Variants in CNTNAP2 observed in about 807,000 individuals in gnomAD.
CNTNAP2 encodes the protein contactin-associated protein-like 2.
In CNTNAP2, 98 loss-of-function variants were observed where a neutral mutation model predicts 155.2. The ratio of observed to expected loss-of-function variants is 0.63; its 90% CI spans 0.54 to 0.75. The LOEUF is 0.75. CNTNAP2 is among the 30% of genes least tolerant of loss of function. The pLI is 0.00. For synonymous variants in CNTNAP2, 651 were observed against 631.2 expected, an observed-to-expected ratio of 1.03 and a Z score of -0.47; for missense variants, 1,727 against 1,688.1, an observed-to-expected ratio of 1.02 and a Z score of -0.40.
intron 22 of CNTNAP2, among the ~76,000 whole-genome samples, chr7:148,399,809 G>A (rs954981329): frequency 6.6e-6 from 1 of 152,096 alleles, no homozygotes; most frequent in African/African-American, 2.4e-5. Flanking sequence ...TTCGGCCAAG[G>A]GAAAAAGGAC....
At chr7:147,250,201 T>C (rs965145085) in intron 8 of CNTNAP2, among the ~76,000 whole-genome samples, 1 of 152,090 alleles carries the variant, frequency 6.6e-6, no homozygotes, top group African/African-American at 2.4e-5. Flanking sequence ...AATCCAGATA[T>C]GTTAATAGAT....
intron 8 of CNTNAP2, among the ~76,000 whole-genome samples, chr7:147,154,293 G>A (rs1801881254): frequency 6.6e-6 from 1 of 152,088 alleles, no homozygotes; most frequent in Non-Finnish European, 1.5e-5. Context: ...GAGACGTTGG[G>A]CATAAAAGAA....
chr7:147,366,435 T>C (rs948832415), intron 9 of CNTNAP2, among the ~76,000 whole-genome samples: 1 of 152,002 alleles, frequency 6.6e-6, no homozygotes, highest in Non-Finnish European at 1.5e-5. Flanking sequence ...TCTCATAATT[T>C]CCTTTTCTCT....
At chr7:147,009,267 T>C (rs1798580599) in intron 3 of CNTNAP2, among the ~76,000 whole-genome samples, 1 of 152,132 alleles carries the variant, frequency 6.6e-6, no homozygotes, top group South Asian at 2.1e-4. Flanking sequence ...AGGTCAATGT[T>C]CTGATAATCA....
At chr7:146,214,302 A>T (rs1276340096) in intron 1 of CNTNAP2, among the ~76,000 whole-genome samples, 1 of 152,216 alleles carries the variant, frequency 6.6e-6, no homozygotes, top group Non-Finnish European at 1.5e-5. Context: ...TGTTGTCATT[A>T]TGAAAGTCAT....
chr7:147,690,916 T>C (rs1249474562), intron 13 of CNTNAP2, among the ~76,000 whole-genome samples: 2 of 152,066 alleles, frequency 1.3e-5, no homozygotes, highest in Non-Finnish European at 2.9e-5. Context: ...GCCTCAAAAT[T>C]TTGGTTAGTT....
intron 11 of CNTNAP2, among the ~76,000 whole-genome samples, chr7:147,512,760 G>A (rs983878948): frequency 4.6e-5 from 7 of 152,098 alleles, no homozygotes; most frequent in Non-Finnish European, 1.0e-4. Context: ...TTTTAGAATT[G>A]TATAGCAAGC....
At chr7:146,334,667 A>G (rs1374472465) in intron 1 of CNTNAP2, among the ~76,000 whole-genome samples, 1 of 152,134 alleles carries the variant, frequency 6.6e-6, no homozygotes, top group Admixed American at 6.5e-5. Flanking sequence ...TTCTCCTCCA[A>G]GAGATCTCAG....
chr7:147,807,605 G>A (rs1214785931), intron 13 of CNTNAP2, among the ~76,000 whole-genome samples: 2 of 152,072 alleles, frequency 1.3e-5, no homozygotes, highest in Non-Finnish European at 2.9e-5. Flanking sequence ...TGCCTAGTAC[G>A]TAACCTTAAA....
intron 10 of CNTNAP2, among the ~76,000 whole-genome samples, chr7:147,480,043 T>C (rs1413827686): frequency 6.6e-6 from 1 of 152,068 alleles, no homozygotes; most frequent in Non-Finnish European, 1.5e-5. Context: ...ATAAAAGTAC[T>C]CAAATATTGT....
intron 3 of CNTNAP2, among the ~76,000 whole-genome samples, chr7:146,883,179 C>T (rs573174495): frequency 9.2e-5 from 14 of 152,188 alleles, no homozygotes; most frequent in African/African-American, 1.9e-4. Flanking sequence ...CATGGATATG[C>T]ATTTGTACAT....
At chr7:146,440,798 T>C (rs1266762969) in intron 1 of CNTNAP2, among the ~76,000 whole-genome samples, 1 of 151,640 alleles carries the variant, frequency 6.6e-6, no homozygotes, top group Non-Finnish European at 1.5e-5. Context: ...AGATTCATAT[T>C]TCTGATTAAG....
At chr7:146,765,344 A>C (rs1338139876) in intron 1 of CNTNAP2, among the ~76,000 whole-genome samples, 1 of 152,198 alleles carries the variant, frequency 6.6e-6, no homozygotes, top group Non-Finnish European at 1.5e-5. Flanking sequence ...TATGTGTAAG[A>C]TCATGGGATG....
At position 148,187,147 on chromosome 7, in the gene CNTNAP2, C is replaced by CACACAA. The variant is rs1197880658; in HGVS notation, c.3010+14670_3010+14671insCACAAA. On this transcript the variant is annotated intron_variant, in intron 18 of 23. Coordinates refer to ENST00000361727, the MANE Select transcript of CNTNAP2 (RefSeq NM_014141.6). ...ACACACACACACACACACACACACA[C>CACACAA]AAACAGAGCCAGGTGTGAGCTGGAC... is the stretch of plus-strand genomic sequence containing the variant. 6.7e-3 allele frequency among the ~76,000 whole-genome samples: 449 copies of CACACAA among 67,192 alleles called. 30 individuals are homozygous for CACACAA. The highest frequency in any genetic ancestry group is 0.013 in the African/African-American group (403 of 32,234). 44.1% of individuals were successfully genotyped at this position (67,192 alleles called of 152,430 possible). A position where few individuals can be genotyped will look rare whatever the true frequency, so the allele number is the denominator to read the frequency against.
chr7:146,746,321 G>T (rs1194931872), intron 1 of CNTNAP2, among the ~76,000 whole-genome samples: 3 of 152,064 alleles, frequency 2.0e-5, no homozygotes, highest in African/African-American at 4.8e-5. Flanking sequence ...CTATTTGCTT[G>T]CCCAGAGTGA....
chr7:146,529,294 T>C (rs751671158), intron 1 of CNTNAP2, among the ~76,000 whole-genome samples: 1 of 152,108 alleles, frequency 6.6e-6, no homozygotes, highest in African/African-American at 2.4e-5. Flanking sequence ...GAAAAGAAAT[T>C]ACTCAACATA....
At chr7:146,992,107 A>T (rs990916130) in intron 3 of CNTNAP2, among the ~76,000 whole-genome samples, 1 of 152,170 alleles carries the variant, frequency 6.6e-6, no homozygotes, top group African/African-American at 2.4e-5. Flanking sequence ...TTATGGAATG[A>T]CTGTGTAGCA....
intron 14 of CNTNAP2, among the ~76,000 whole-genome samples, chr7:147,928,644 G>A (rs12540014): frequency 0.1 from 15,291 of 152,008 alleles, 1,318 homozygotes; most frequent in African/African-American, 0.24. Context: ...AATGTAGGTC[G>A]TGTTTCCTGA....
intron 1 of CNTNAP2, among the ~76,000 whole-genome samples, chr7:146,587,038 T>A (rs1057498586): frequency 2.1e-4 from 32 of 152,110 alleles, no homozygotes; most frequent in Non-Finnish European, 2.9e-4. Flanking sequence ...GTTTTATTTT[T>A]TTTTTTTTAA....
Sources: allele counts gnomAD v4.1 joint callset (sites outside exome capture counted in the v4.1 genomes callset), GRCh38; gene constraint gnomAD v4.1.1; transcripts MANE v1.5; gene names NCBI Gene and HGNC (gene_info 2026-07-23, HGNC 2026-07-21).